Variants in SGIP1 observed in about 807,000 individuals in gnomAD.
The protein encoded by SGIP1 is SH3-containing GRB2-like protein 3-interacting protein 1.
Under a neutral mutation model 107.5 loss-of-function variants are expected in SGIP1, and 38 were observed. That is an observed-to-expected ratio of 0.35 (90% CI 0.27 to 0.46). The LOEUF (loss-of-function observed/expected upper bound fraction) is 0.46. Among genes scored for constraint, SGIP1 ranks in the 20% least tolerant of loss-of-function variants. SGIP1 has a pLI of 1.00. For missense variants in SGIP1, 929 were observed against 1,019.5 expected (o/e 0.91, Z 1.21); for synonymous variants, 365 against 366.1 (o/e 1.00, Z 0.03).
intron 15 of SGIP1, 67 bp from the exon 16 acceptor site, chr1:66,689,081 T>A: frequency 1.3e-6 from 2 of 1,534,926 alleles, no homozygotes; most frequent in South Asian, 1.3e-5. Flanking sequence ...GGACTGGCAT[T>A]ATACTGTGAT....
At chr1:66,631,892 G>A (rs939998499) in intron 2 of SGIP1, among the ~76,000 whole-genome samples, 2 of 152,106 alleles carry the variant, frequency 1.3e-5, no homozygotes, top group African/African-American at 2.4e-5. Flanking sequence ...AGCATAATAC[G>A]TATCGCTGTA....
At chr1:66,671,330 T>C (rs1471479167) in intron 10 of SGIP1, among the ~76,000 whole-genome samples, 2 of 152,136 alleles carry the variant, frequency 1.3e-5, no homozygotes, top group Admixed American at 6.5e-5. Context: ...TATTTGTTGC[T>C]GGGGGTGGGA....
intron 21 of SGIP1, among the ~76,000 whole-genome samples, chr1:66,737,867 A>G (rs2094320314): frequency 6.6e-6 from 1 of 152,188 alleles, no homozygotes; most frequent in Non-Finnish European, 1.5e-5. Context: ...CACAACTAGC[A>G]TTTTGTGGAA....
intron 1 of SGIP1, among the ~76,000 whole-genome samples, chr1:66,545,595 T>G (rs773276878): frequency 1.3e-5 from 2 of 150,490 alleles, no homozygotes; most frequent in African/African-American, 4.9e-5. Context: ...CTTGTAGCAC[T>G]TGGAGTTCTC....
At chr1:66,557,812 C>A (rs2058397228) in intron 1 of SGIP1, among the ~76,000 whole-genome samples, 2 of 152,204 alleles carry the variant, frequency 1.3e-5, no homozygotes, top group Middle Eastern at 6.8e-3. Context: ...CTGAAATTAA[C>A]TTTTGTTAGA....
At chr1:66,738,933 AT>A (rs1164707078) in intron 21 of SGIP1, among the ~76,000 whole-genome samples, 1 of 152,038 alleles carries the variant, frequency 6.6e-6, no homozygotes, top group East Asian at 1.9e-4. Flanking sequence ...TATTGTTGTA[AT>A]TCCCATTTAG....
chr1:66,676,588 G>A (rs2085396991), intron 12 of SGIP1, among the ~76,000 whole-genome samples: 2 of 152,014 alleles, frequency 1.3e-5, no homozygotes, highest in Non-Finnish European at 2.9e-5. Flanking sequence ...GGCGTTTTCA[G>A]TTTTGAAGCA....
intron 1 of SGIP1, among the ~76,000 whole-genome samples, chr1:66,567,319 C>A (rs1475080437): frequency 6.6e-6 from 1 of 152,016 alleles, no homozygotes; most frequent in Non-Finnish European, 1.5e-5. Flanking sequence ...TGAAAAGTGT[C>A]TGTTCATATC....
chr1:66,698,300 A>C (rs1423910715), intron 18 of SGIP1, among the ~76,000 whole-genome samples: 1 of 152,036 alleles, frequency 6.6e-6, no homozygotes, highest in Non-Finnish European at 1.5e-5. Flanking sequence ...AAACAGCTTC[A>C]CTGAAATATT....
intron 18 of SGIP1, among the ~76,000 whole-genome samples, chr1:66,701,023 G>A (rs899853554): frequency 1.3e-5 from 2 of 151,994 alleles, no homozygotes; most frequent in African/African-American, 4.8e-5. Flanking sequence ...ATAAACGCTT[G>A]GGCATTTTAA....
At chr1:66,588,309 C>T (rs2062964584) in intron 1 of SGIP1, among the ~76,000 whole-genome samples, 1 of 152,100 alleles carries the variant, frequency 6.6e-6, no homozygotes, top group Non-Finnish European at 1.5e-5. Flanking sequence ...GCCCAAGTTG[C>T]CCCTGACTCA....
chr1:66,619,600 G>T (rs2070401317), intron 1 of SGIP1, among the ~76,000 whole-genome samples: 1 of 152,176 alleles, frequency 6.6e-6, no homozygotes, highest in Non-Finnish European at 1.5e-5. Flanking sequence ...TTCTACATTT[G>T]GCCTCTCCAT....
intron 1 of SGIP1, among the ~76,000 whole-genome samples, chr1:66,534,831 A>G (rs2053201284): frequency 6.6e-6 from 1 of 152,254 alleles, no homozygotes; most frequent in Non-Finnish European, 1.5e-5. Flanking sequence ...AAAAATTCTC[A>G]TAAGGTATTT....
At chr1:66,631,696 TCTCTC>T (rs2074769208) in intron 2 of SGIP1, among the ~76,000 whole-genome samples, 2 of 35,052 alleles carry the variant, frequency 5.7e-5, no homozygotes, top group Admixed American at 6.8e-4. Flanking sequence ...TCTCTCTCTC[TCTCTC>T]TCTCTCTCTC....
intron 18 of SGIP1, among the ~76,000 whole-genome samples, 156 bp from the exon 19 acceptor site, chr1:66,719,138 C>CTCTA (rs1449884170): frequency 6.6e-6 from 1 of 152,108 alleles, no homozygotes; most frequent in Non-Finnish European, 1.5e-5. Flanking sequence ...AATACTTGAG[C>CTCTA]TCTATGTTGA....
Position 66,741,322 on chromosome 1 carries a change from C to A in SGIP1, c.2350C>A (p.Pro784Thr), listed in dbSNP as rs767337024. The change falls in exon 24 of 25, where the codon CCT becomes ACT. Residue 784 changes from proline (P) to threonine (T), a missense_variant. Around this residue, in one of 2 missense-constraint regions of SGIP1, gnomAD observed 341 missense variants for 430.9 expected, o/e 0.79. Transcript: ENST00000371037. ...TCAGTTATCTGAAGGCCCAAGCAAA[C>A]CTTCTCCATTGGTTGTGCAGTTCAC... ...RFQLSEGPSK[P>T]SPLVVQFTSE... 5.6e-6 allele frequency: 9 copies of A among 1,605,946 alleles called. No individual in the cohort carries two copies. The highest frequency in any genetic ancestry group is 4.5e-5 in the East Asian group (2 of 44,390).
At chr1:66,623,929 T>C (rs1328798536) in intron 1 of SGIP1, among the ~76,000 whole-genome samples, 1 of 152,224 alleles carries the variant, frequency 6.6e-6, no homozygotes, top group Non-Finnish European at 1.5e-5. Flanking sequence ...TTGGCTATTG[T>C]CCAAACTTGG....
intron 1 of SGIP1, among the ~76,000 whole-genome samples, chr1:66,587,269 T>C (rs935677569): frequency 1.3e-5 from 2 of 152,104 alleles, no homozygotes; most frequent in Non-Finnish European, 2.9e-5. Flanking sequence ...TTTCTTCATC[T>C]ACTTTTTCAG....
At chr1:66,697,628 T>C (rs2091178620) in intron 18 of SGIP1, among the ~76,000 whole-genome samples, 1 of 152,214 alleles carries the variant, frequency 6.6e-6, no homozygotes, top group Non-Finnish European at 1.5e-5. Flanking sequence ...CTAAAAATGA[T>C]GTCTTGCTAT....
Sources: gnomAD v4.1 joint callset for allele counts (sites outside exome capture counted in the v4.1 genomes callset) on GRCh38, gnomAD v4.1.1 for gene constraint, gnomAD v4.1.1 regional missense constraint, MANE v1.5 for transcripts, NCBI Gene and HGNC (gene_info 2026-07-23, HGNC 2026-07-21) for gene names.